Variants in MYRFL observed in about 807,000 individuals in gnomAD.
MYRFL encodes the protein myelin regulatory factor-like protein.
A neutral mutation model predicts 109.4 loss-of-function variants in MYRFL; 88 were observed. The ratio of observed to expected loss-of-function variants is 0.80; its 90% CI spans 0.68 to 0.96. MYRFL has a LOEUF of 0.96. Among genes scored for constraint, MYRFL ranks in the 40% least tolerant of loss-of-function variants. The pLI is 0.00. For missense variants in MYRFL, 957 were observed against 954.9 expected (o/e 1.00, Z -0.03); for synonymous variants, 324 against 320.9 (o/e 1.01, Z -0.10).
rs1336716063 is a variant in MYRFL, at chr12:69,926,932, G to GTTTTTTTTTTTTTTATTTTTTTTTTTTT, written c.1766+198_1766+199insTTTTTTTTTTTTTTATTTTTTTTTTTTT. The stretch of plus-strand genomic sequence containing the variant: ...ACTTTCTTAGTTTTTTTCTGTTGCT[G>GTTTTTTTTTTTTTTATTTTTTTTTTTTT]GTTTTTTTTTTTTTTTTTTTTTTTT... On this transcript the variant is annotated intron_variant, in intron 14 of 24. Transcript: ENST00000552032. Among the ~76,000 whole-genome samples, 2 of 76,872 alleles carry GTTTTTTTTTTTTTTATTTTTTTTTTTTT rather than the reference G, an allele frequency of 2.6e-5. 1 individual carries two copies. Among genetic ancestry groups the GTTTTTTTTTTTTTTATTTTTTTTTTTTT allele is most frequent in the Non-Finnish European group, 5.1e-5 (2 of 39,082 alleles). 50.4% of individuals were successfully genotyped at this position (76,872 alleles called of 152,430 possible). A position where few individuals can be genotyped will look rare whatever the true frequency, so the allele number is the denominator to read the frequency against.
chr12:69,837,131 A>C (rs1349024582), intron 1 of MYRFL, among the ~76,000 whole-genome samples: 1 of 152,176 alleles, frequency 6.6e-6, no homozygotes, highest in African/African-American at 2.4e-5. Context: ...TTTCATTCCA[A>C]GTCCAACACT....
intron 19 of MYRFL, among the ~76,000 whole-genome samples, chr12:69,938,583 T>G (rs1202274645): frequency 6.6e-6 from 1 of 152,190 alleles, no homozygotes; most frequent in East Asian, 1.9e-4. Flanking sequence ...GATGTCTTGA[T>G]GATCCTGACC....
intron 1 of MYRFL, among the ~76,000 whole-genome samples, chr12:69,840,354 T>G (rs942045359): frequency 2.0e-5 from 3 of 152,232 alleles, no homozygotes; most frequent in African/African-American, 7.2e-5. Context: ...GGGACAGTTA[T>G]TCTCCCAGGT....
intron 2 of MYRFL, among the ~76,000 whole-genome samples, chr12:69,870,347 G>C (rs1885284370): frequency 6.7e-6 from 1 of 149,308 alleles, no homozygotes; most frequent in African/African-American, 2.5e-5. Flanking sequence ...CGAATCTCTT[G>C]ATTTTTACAA....
At chr12:69,880,149 A>G (rs1429953776) in intron 4 of MYRFL, 52 bp from the exon 5 acceptor site, 3 of 694,500 alleles carry the variant, frequency 4.3e-6, no homozygotes, top group Middle Eastern at 4.6e-4. Context: ...ATTTAACATA[A>G]CATGGAACAC....
chr12:69,881,463 G>A (rs1374871680), intron 5 of MYRFL, among the ~76,000 whole-genome samples: 1 of 152,244 alleles, frequency 6.6e-6, no homozygotes, highest in Non-Finnish European at 1.5e-5. Flanking sequence ...AGATGTGCGT[G>A]GCTTCACCTG....
At chr12:69,891,615 C>CTTTCTTTCTTTCTTTT in intron 7 of MYRFL, among the ~76,000 whole-genome samples, 1 of 113,094 alleles carries the variant, frequency 8.8e-6, no homozygotes, top group East Asian at 2.2e-4. Flanking sequence ...CTCTTTCTTT[C>CTTTCTTTCTTTCTTTT]TTTCTTTCCT....
chr12:69,875,733 A>G (rs1280612328), intron 2 of MYRFL, among the ~76,000 whole-genome samples: 1 of 152,178 alleles, frequency 6.6e-6, no homozygotes, highest in East Asian at 1.9e-4. Context: ...ATGAAAATCT[A>G]ACTAACGCCT....
chr12:69,861,624 G>C (rs1159918252), intron 2 of MYRFL, among the ~76,000 whole-genome samples: 4 of 152,112 alleles, frequency 2.6e-5, no homozygotes, highest in African/African-American at 9.7e-5. Flanking sequence ...ATTTGTTTGA[G>C]TTCATTGTAG....
At chr12:69,891,619 C>CTTTTGTTCTTTCTTTCTTTT (rs1886842891) in intron 7 of MYRFL, among the ~76,000 whole-genome samples, 1 of 110,920 alleles carries the variant, frequency 9.0e-6, no homozygotes, top group African/African-American at 4.5e-5. Context: ...TTCTTTCTTT[C>CTTTTGTTCTTTCTTTCTTTT]TTTCCTCCTT....
intron 11 of MYRFL, among the ~76,000 whole-genome samples, chr12:69,908,139 TTTAAG>T (rs1168243640): frequency 7.2e-5 from 11 of 152,218 alleles, no homozygotes; most frequent in East Asian, 3.8e-4. Context: ...TCCCTAACGC[TTTAAG>T]TTATCAATGT....
chr12:69,873,847 T>C (rs924200715), intron 2 of MYRFL, among the ~76,000 whole-genome samples: 2 of 152,158 alleles, frequency 1.3e-5, no homozygotes, highest in African/African-American at 4.8e-5. Context: ...GTCTGTCTTT[T>C]TTTTTTTGGC....
chr12:69,955,517 C>T, intron 22 of MYRFL, 80 bp downstream of exon 22: 5 of 551,146 alleles, frequency 9.1e-6, no homozygotes, highest in Non-Finnish European at 1.6e-5. Context: ...ACAATTTGGT[C>T]AGTCGTTAAG....
chr12:69,930,482 A>G (rs1226544196), intron 15 of MYRFL, among the ~76,000 whole-genome samples: 2 of 152,100 alleles, frequency 1.3e-5, no homozygotes, highest in Non-Finnish European at 2.9e-5. Flanking sequence ...CCAGGGTTCA[A>G]ATAAGAATTC....
chr12:69,945,211 G>A (rs1216794166), intron 19 of MYRFL, among the ~76,000 whole-genome samples: 5 of 152,098 alleles, frequency 3.3e-5, no homozygotes, highest in African/African-American at 4.8e-5. Flanking sequence ...ATTTAGTATA[G>A]CCTAAATATA....
In MYRFL at chr12:69,927,674, C is replaced by G. The variant is rs1468952885; in HGVS notation, c.1767-11C>G. 6.5e-7 allele frequency: 1 copy of G among 1,528,176 alleles called. No homozygotes were observed. The highest frequency in any genetic ancestry group is 1.2e-5 in the South Asian group (1 of 82,066). The allele number at this position is 1,528,176 out of a possible 1,614,324, so 94.7% of individuals were successfully genotyped here. A position where few individuals can be genotyped will look rare whatever the true frequency, so the allele number is the denominator to read the frequency against. On this transcript the variant is annotated splice_polypyrimidine_tract_variant and intron_variant, in intron 14 of 24. Coordinates refer to ENST00000552032, the MANE Select transcript of MYRFL (RefSeq NM_182530.3). ...ATTTGAATAGTAACCAATTTTCTCTCTCTTTTAAAGCAAATCTAGCAGAGC... is the reference window on the plus strand; with the variant it reads ...ATTTGAATAGTAACCAATTTTCTCTGTCTTTTAAAGCAAATCTAGCAGAGC...
intron 1 of MYRFL, among the ~76,000 whole-genome samples, chr12:69,829,740 A>T (rs1409593769): frequency 6.6e-6 from 1 of 152,156 alleles, no homozygotes; most frequent in African/African-American, 2.4e-5. Context: ...CTCAGATTCC[A>T]TTATTAGCAG....
At chr12:69,891,833 G>A (rs150066700) in intron 7 of MYRFL, among the ~76,000 whole-genome samples, 284 of 151,790 alleles carry the variant, frequency 1.9e-3, no homozygotes, top group Non-Finnish European at 3.4e-3. Context: ...GACCACAGGT[G>A]TGTGCCACCA....
intron 2 of MYRFL, among the ~76,000 whole-genome samples, chr12:69,856,841 G>A (rs181198376): frequency 3.2e-4 from 48 of 151,956 alleles, no homozygotes; most frequent in Middle Eastern, 6.8e-3. Flanking sequence ...CAAGTTTGTC[G>A]TTTATGTTTT....
Sources: gnomAD v4.1 joint callset for allele counts (sites outside exome capture counted in the v4.1 genomes callset) on GRCh38, gnomAD v4.1.1 for gene constraint, MANE v1.5 for transcripts, NCBI Gene and HGNC (gene_info 2026-07-23, HGNC 2026-07-21) for gene names.